Variants in MYO1D observed in about 807,000 individuals in gnomAD.
The protein encoded by MYO1D is myosin ID.
In MYO1D, 83 loss-of-function variants were observed where a neutral mutation model predicts 122.0. The ratio of observed to expected loss-of-function variants is 0.68; its 90% CI spans 0.57 to 0.82. MYO1D has a LOEUF of 0.82. Ranked by LOEUF, MYO1D falls within the 40% of genes least tolerant of loss-of-function variation. MYO1D has a pLI of 0.00. For missense variants in MYO1D, 1,157 were observed against 1,269.5 expected (o/e 0.91, Z 1.35); for synonymous variants, 464 against 446.9 (o/e 1.04, Z -0.48).
chr17:32,730,441 T>C (rs2089624543), intron 14 of MYO1D, among the ~76,000 whole-genome samples: 1 of 152,222 alleles, frequency 6.6e-6, no homozygotes, highest in African/African-American at 2.4e-5. Context: ...TCTTTTCGCA[T>C]TTCAGAGTTT....
At chr17:32,543,599 TA>T (rs1910919776) in intron 21 of MYO1D, among the ~76,000 whole-genome samples, 1 of 148,220 alleles carries the variant, frequency 6.7e-6, no homozygotes, top group African/African-American at 2.5e-5. Flanking sequence ...AATAAATAAA[TA>T]AAAAATAAAA....
chr17:32,538,497 G>C (rs1910731389), intron 21 of MYO1D, among the ~76,000 whole-genome samples: 1 of 149,982 alleles, frequency 6.7e-6, no homozygotes, highest in Non-Finnish European at 1.5e-5. Flanking sequence ...ATGGGGTCTT[G>C]CTGTGTTGTC....
intron 21 of MYO1D, among the ~76,000 whole-genome samples, chr17:32,523,183 G>A (rs1910218525): frequency 6.6e-6 from 1 of 152,216 alleles, no homozygotes. Flanking sequence ...TGGGAGGAAA[G>A]AGGATCAGGT....
At chr17:32,655,631 C>T (rs1036279165) in intron 17 of MYO1D, among the ~76,000 whole-genome samples, 1 of 152,036 alleles carries the variant, frequency 6.6e-6, no homozygotes, top group African/African-American at 2.4e-5. Flanking sequence ...TTGCTTGGTG[C>T]GTCAGAGGAG....
intron 19 of MYO1D, among the ~76,000 whole-genome samples, chr17:32,652,343 A>T (rs2088403773): frequency 6.6e-6 from 1 of 152,164 alleles, no homozygotes; most frequent in Non-Finnish European, 1.5e-5. Flanking sequence ...TTTTGATCTG[A>T]ATACTACTGT....
At chr17:32,732,784 G>A (rs1050031649) in intron 14 of MYO1D, among the ~76,000 whole-genome samples, 16 of 152,196 alleles carry the variant, frequency 1.1e-4, no homozygotes, top group Admixed American at 5.9e-4. Flanking sequence ...TGCTTGCCAC[G>A]TTGTGGGTGA....
At chr17:32,790,835 A>G (rs1487252245) in intron 1 of MYO1D, among the ~76,000 whole-genome samples, 1 of 152,230 alleles carries the variant, frequency 6.6e-6, no homozygotes, top group Non-Finnish European at 1.5e-5. Flanking sequence ...AACTCTGTCC[A>G]CTTAGAGAAA....
At chr17:32,860,727 T>C (rs1188090819) in intron 1 of MYO1D, among the ~76,000 whole-genome samples, 4 of 152,198 alleles carry the variant, frequency 2.6e-5, no homozygotes, top group Non-Finnish European at 4.4e-5. Context: ...AGACAGATTT[T>C]TGCCCCCGTA....
At chr17:32,726,426 AAAAG>A (rs1455775878) in intron 14 of MYO1D, among the ~76,000 whole-genome samples, 2 of 151,160 alleles carry the variant, frequency 1.3e-5, no homozygotes. Flanking sequence ...TCTCAAAAAA[AAAAG>A]AAAAGAAAAA....
chr17:32,723,623 A>G (rs1472250996), intron 14 of MYO1D, among the ~76,000 whole-genome samples: 2 of 152,156 alleles, frequency 1.3e-5, no homozygotes, highest in African/African-American at 4.8e-5. Flanking sequence ...CTGGAAGTCC[A>G]TCCTCGAGAG....
At position 32,767,766 on chromosome 17, in the gene MYO1D, T is replaced by C. The variant is rs137964904; in HGVS notation, c.715-14A>G. The C allele has an allele frequency of 2.2e-4, 343 of 1,536,804 alleles. No homozygotes were observed. Among genetic ancestry groups the C allele is most frequent in the Middle Eastern group, 1.2e-3 (7 of 5,926 alleles). On this transcript the variant is annotated splice_polypyrimidine_tract_variant and intron_variant, in intron 6 of 21. Coordinates refer to ENST00000318217, the MANE Select transcript of MYO1D (RefSeq NM_015194.3). The stretch of plus-strand genomic sequence containing the variant: ...ATTGATAGAAGACTGGGGATGAAAA[T>C]GAAAAACTGAAGTTACAGATATTTC...
intron 6 of MYO1D, among the ~76,000 whole-genome samples, chr17:32,770,558 G>A (rs539463909): frequency 6.6e-6 from 1 of 151,978 alleles, no homozygotes; most frequent in South Asian, 2.1e-4. Flanking sequence ...GAAATAAAAT[G>A]AACTAGAAAT....
chr17:32,696,493 G>C (rs1386310743), intron 16 of MYO1D, among the ~76,000 whole-genome samples: 1 of 152,198 alleles, frequency 6.6e-6, no homozygotes, highest in Non-Finnish European at 1.5e-5. Context: ...AGTTAGTAAT[G>C]AGGAACCTTG....
At chr17:32,503,198 C>T (rs78543792) in intron 21 of MYO1D, among the ~76,000 whole-genome samples, 1 of 152,356 alleles carries the variant, frequency 6.6e-6, no homozygotes, top group East Asian at 1.9e-4. Context: ...GGACAGGCCA[C>T]TCCTGTCCAG....
chr17:32,815,948 T>C (rs2090609984), intron 1 of MYO1D, among the ~76,000 whole-genome samples: 1 of 152,234 alleles, frequency 6.6e-6, no homozygotes, highest in Non-Finnish European at 1.5e-5. Context: ...AAAATTAAAC[T>C]TCTGGGCTTA....
At chr17:32,622,016 G>T (rs1014292318) in intron 20 of MYO1D, among the ~76,000 whole-genome samples, 13 of 152,096 alleles carry the variant, frequency 8.5e-5, no homozygotes, top group African/African-American at 2.4e-4. Context: ...TAAGCCACTC[G>T]GTCTGTGGTT....
At chr17:32,765,481 A>C (rs2090046256) in intron 7 of MYO1D, among the ~76,000 whole-genome samples, 1 of 151,948 alleles carries the variant, frequency 6.6e-6, no homozygotes, top group African/African-American at 2.4e-5. Flanking sequence ...TTTTTGAGAC[A>C]GAGTCTCGCT....
chr17:32,621,346 C>T (rs1315783593), intron 20 of MYO1D, among the ~76,000 whole-genome samples: 1 of 152,056 alleles, frequency 6.6e-6, no homozygotes, highest in Non-Finnish European at 1.5e-5. Flanking sequence ...CTCACCTTTG[C>T]TTTTGCATTT....
At chr17:32,801,039 G>GA (rs1191501126) in intron 1 of MYO1D, among the ~76,000 whole-genome samples, 10 of 151,838 alleles carry the variant, frequency 6.6e-5, no homozygotes, top group Middle Eastern at 3.2e-3. Flanking sequence ...AATAAAACAA[G>GA]AAAAAAAGGA....
Sources: allele counts gnomAD v4.1 joint callset (sites outside exome capture counted in the v4.1 genomes callset), GRCh38; gene constraint gnomAD v4.1.1; transcripts MANE v1.5; gene names NCBI Gene and HGNC (gene_info 2026-07-23, HGNC 2026-07-21).